Variants in PDE6D observed in about 807,000 individuals in gnomAD.
PDE6D encodes retinal rod rhodopsin-sensitive cGMP 3',5'-cyclic phosphodiesterase subunit delta.
PDE6D carries 10 observed loss-of-function variants against 21.9 expected under a neutral mutation model. That is an observed-to-expected ratio of 0.46 (90% CI 0.28 to 0.78). PDE6D has a LOEUF of 0.78. Among genes scored for constraint, PDE6D ranks in the 30% least tolerant of loss-of-function variants. The pLI is 0.12. For synonymous variants in PDE6D, 59 were observed against 63.5 expected, an observed-to-expected ratio of 0.93 and a Z score of 0.34; for missense variants, 139 against 184.8, an observed-to-expected ratio of 0.75 and a Z score of 1.44.
At chr2:231,747,416 T>A (rs1244687911) in intron 1 of PDE6D, among the ~76,000 whole-genome samples, 2 of 152,166 alleles carry the variant, frequency 1.3e-5, no homozygotes, top group Non-Finnish European at 2.9e-5. Context: ...AATGAAAGAG[T>A]GTGCTAACTG....
intron 1 of PDE6D, among the ~76,000 whole-genome samples, chr2:231,769,395 T>C (rs1252226159): frequency 6.6e-6 from 1 of 152,170 alleles, no homozygotes; most frequent in Admixed American, 6.5e-5. Flanking sequence ...ATCTCAGATT[T>C]AGTCCCTTTT....
intron 1 of PDE6D, among the ~76,000 whole-genome samples, chr2:231,764,840 T>G (rs1289475351): frequency 6.6e-6 from 1 of 152,232 alleles, no homozygotes; most frequent in Non-Finnish European, 1.5e-5. Context: ...CTCTTCTCAG[T>G]GCTCAGCATG....
intron 1 of PDE6D, among the ~76,000 whole-genome samples, chr2:231,769,699 G>A (rs1312348979): frequency 1.3e-5 from 2 of 152,124 alleles, no homozygotes; most frequent in South Asian, 2.1e-4. Context: ...CTGTAGCCTC[G>A]AATTCCTGAG....
At chr2:231,733,888 T>G (rs1462882698) in intron 4 of PDE6D, among the ~76,000 whole-genome samples, 2 of 152,122 alleles carry the variant, frequency 1.3e-5, no homozygotes, top group East Asian at 3.9e-4. Context: ...ACACTTGAGC[T>G]GAGTTTAGGG....
At chr2:231,761,733 A>G (rs2048931593) in intron 1 of PDE6D, among the ~76,000 whole-genome samples, 1 of 152,240 alleles carries the variant, frequency 6.6e-6, no homozygotes, top group Non-Finnish European at 1.5e-5. Flanking sequence ...TTCAACATAT[A>G]TGTCACGTGC....
intron 1 of PDE6D, 123 bp downstream of exon 1, chr2:231,780,942 C>T (rs2049114652): frequency 2.3e-6 from 2 of 874,256 alleles, no homozygotes; most frequent in East Asian, 5.5e-5. Flanking sequence ...TTCCTTTCCT[C>T]TCCCCTCCCG....
At chr2:231,742,350 C>T (rs1209780892) in intron 1 of PDE6D, among the ~76,000 whole-genome samples, 5 of 152,084 alleles carry the variant, frequency 3.3e-5, no homozygotes, top group East Asian at 1.9e-4. Context: ...CTCAAACTCC[C>T]GACCTCAGGT....
intron 1 of PDE6D, among the ~76,000 whole-genome samples, chr2:231,740,076 T>C (rs1246074): frequency 0.43 from 66,046 of 151,992 alleles, 16,947 homozygotes; most frequent in African/African-American, 0.72. Flanking sequence ...GACATAACCT[T>C]TACAGACACT....
At chr2:231,780,917 G>A in intron 1 of PDE6D, 148 bp downstream of exon 1, 2 of 703,908 alleles carry the variant, frequency 2.8e-6, no homozygotes, top group Non-Finnish European at 4.7e-6. Flanking sequence ...GTCCCGCCGG[G>A]TGCTCGGCAC....
Position 231,737,372 on chromosome 2 carries a change from G to A in PDE6D, c.266-80C>T, listed in dbSNP as rs1183263857. The A allele has an allele frequency of 5.6e-6, 4 of 713,506 alleles. No individual in the cohort carries two copies. In the East Asian group the frequency reaches 8.0e-5, roughly 14 times the overall value. 44.2% of individuals were successfully genotyped at this position (713,506 alleles called of 1,614,324 possible). A position where few individuals can be genotyped will look rare whatever the true frequency, so the allele number is the denominator to read the frequency against. On this transcript the variant is annotated intron_variant, in intron 3 of 4. Transcript: ENST00000287600. ...GGCTCTTTGTCTCCCTCTCTAGAGT[G>A]AGCCTCTTCCTACCCTGAGAACCAC...
At chr2:231,737,314 G>A (rs778595581) in intron 3 of PDE6D, 22 bp from the exon 4 acceptor site, 10 of 1,321,042 alleles carry the variant, frequency 7.6e-6, no homozygotes, top group Admixed American at 3.4e-5. Context: ...AGGAAAAGCC[G>A]GGGTGAGCAG....
At chr2:231,779,727 G>A (rs1014535314) in intron 1 of PDE6D, among the ~76,000 whole-genome samples, 1 of 152,198 alleles carries the variant, frequency 6.6e-6, no homozygotes, top group Non-Finnish European at 1.5e-5. Flanking sequence ...ACAGATGGTA[G>A]TATGCAAAGG....
chr2:231,736,742 C>T (rs1466815467), intron 4 of PDE6D, among the ~76,000 whole-genome samples: 5 of 152,102 alleles, frequency 3.3e-5, no homozygotes, highest in East Asian at 1.9e-4. Flanking sequence ...ACCGGAAGTA[C>T]GGTAGTCAGG....
intron 4 of PDE6D, among the ~76,000 whole-genome samples, chr2:231,734,937 C>T (rs529559562): frequency 6.6e-6 from 1 of 150,500 alleles, no homozygotes; most frequent in Admixed American, 6.6e-5. Flanking sequence ...ATAGCTACTA[C>T]TGTAATTAAA....
At chr2:231,737,120 AG>A (rs1400023307) in intron 4 of PDE6D, 66 bp downstream of exon 4, 1 of 845,476 alleles carries the variant, frequency 1.2e-6, no homozygotes. Flanking sequence ...TGGCACCAGG[AG>A]TCCCACCTGC....
intron 3 of PDE6D, chr2:231,737,802 A>G: frequency 2.0e-6 from 1 of 506,360 alleles, no homozygotes; most frequent in Non-Finnish European, 3.5e-6. Context: ...CCACGCTCCC[A>G]GTGTCAGAGA....
At position 231,739,119 on chromosome 2, in the gene PDE6D, G is replaced by A. The variant is rs1574617509; in HGVS notation, c.120C>T (p.Val40=). Reference sequence around the variant, plus strand: ...AAGTACCTTCATGCTCCACACCAGGGACAGACAGGTCTTCTGTTCCTTGCC... The same window carrying A: ...AAGTACCTTCATGCTCCACACCAGGAACAGACAGGTCTTCTGTTCCTTGCC... The part of the protein sequence containing the change: ...ILWQGTEDLS[V]PGVEHEARVP... Residue 40 remains valine, a synonymous_variant, in exon 2 of 5, where the codon GTC becomes GTT. Coordinates refer to ENST00000287600, the MANE Select transcript of PDE6D (RefSeq NM_002601.4). This position sits in a 1 kb window ranked among gnomAD's most constrained non-coding sequence, Gnocchi z 4.2. 1 of 1,610,934 alleles carries A rather than the reference G, an allele frequency of 6.2e-7. No homozygotes were observed. Among genetic ancestry groups the A allele is most frequent in the African/African-American group, 1.3e-5 (1 of 74,944 alleles).
intron 1 of PDE6D, among the ~76,000 whole-genome samples, chr2:231,744,186 A>G (rs1260520598): frequency 6.6e-6 from 1 of 152,248 alleles, no homozygotes; most frequent in Non-Finnish European, 1.5e-5. Context: ...ACTTCCAGAA[A>G]AAGCACTACT....
chr2:231,775,225 T>C (rs562105798), intron 1 of PDE6D, among the ~76,000 whole-genome samples: 1 of 151,622 alleles, frequency 6.6e-6, no homozygotes, highest in South Asian at 2.1e-4. Flanking sequence ...AATTTTTAAT[T>C]TTATTTTCGT....
Sources: allele counts gnomAD v4.1 joint callset (sites outside exome capture counted in the v4.1 genomes callset), GRCh38; gene constraint gnomAD v4.1.1; non-coding constraint Gnocchi (gnomAD v3.1); transcripts MANE v1.5; gene names NCBI Gene and HGNC (gene_info 2026-07-23, HGNC 2026-07-21).